Variants in EFNA5 observed in about 807,000 individuals in gnomAD.
The protein encoded by EFNA5 is ephrin A5.
A neutral mutation model predicts 22.9 loss-of-function variants in EFNA5; 5 were observed. The observed-to-expected ratio is 0.22, with a 90% CI of 0.11 to 0.46. The LOEUF is 0.46. EFNA5 is among the 20% of genes least tolerant of loss of function. The pLI is 0.99. For synonymous variants in EFNA5, 113 were observed against 112.2 expected (o/e 1.01, Z -0.04); for missense variants, 237 against 293.3 (o/e 0.81, Z 1.40).
At chr5:107,597,061 T>C (rs1327173034) in intron 1 of EFNA5, among the ~76,000 whole-genome samples, 1 of 152,202 alleles carries the variant, frequency 6.6e-6, no homozygotes, top group Admixed American at 6.5e-5. Context: ...AAAACACTCA[T>C]TTCTTTCAGG....
At chr5:107,616,589 CGT>C (rs983779442) in intron 1 of EFNA5, among the ~76,000 whole-genome samples, 2 of 151,720 alleles carry the variant, frequency 1.3e-5, no homozygotes, top group African/African-American at 4.8e-5. Flanking sequence ...CAGAGCTGCT[CGT>C]GTGTGTGTGT....
intron 1 of EFNA5, among the ~76,000 whole-genome samples, chr5:107,501,924 G>A (rs1291890503): frequency 6.6e-6 from 1 of 152,148 alleles, no homozygotes; most frequent in Non-Finnish European, 1.5e-5. Flanking sequence ...GATTTAAACT[G>A]TTTCTTGCCT....
intron 1 of EFNA5, among the ~76,000 whole-genome samples, chr5:107,578,008 A>T (rs962643474): frequency 3.3e-5 from 5 of 152,230 alleles, no homozygotes; most frequent in Admixed American, 2.6e-4. Flanking sequence ...ATTATAAAAG[A>T]TTTCTCTCGA....
chr5:107,452,968 T>G (rs1398234626), intron 1 of EFNA5, among the ~76,000 whole-genome samples: 1 of 152,180 alleles, frequency 6.6e-6, no homozygotes, highest in African/African-American at 2.4e-5. Context: ...ATTTCTTTCT[T>G]TCTTCTTTTT....
At chr5:107,596,927 T>C (rs986182126) in intron 1 of EFNA5, among the ~76,000 whole-genome samples, 5 of 152,118 alleles carry the variant, frequency 3.3e-5, no homozygotes, top group Non-Finnish European at 5.9e-5. Context: ...AAAAATTGAA[T>C]TAGGTGGATC....
intron 1 of EFNA5, among the ~76,000 whole-genome samples, chr5:107,488,755 G>A (rs929587167): frequency 5.3e-5 from 8 of 151,856 alleles, no homozygotes; most frequent in Non-Finnish European, 1.2e-4. Flanking sequence ...GCAATGGCAC[G>A]ATCTCAAATC....
intron 2 of EFNA5, among the ~76,000 whole-genome samples, chr5:107,419,338 AT>A (rs1297467320): frequency 6.6e-6 from 1 of 152,186 alleles, no homozygotes; most frequent in Admixed American, 6.5e-5. Context: ...CCCTAAACTC[AT>A]TCTTTAAATA....
At chr5:107,670,365 C>G (rs1366639668) in intron 1 of EFNA5, 124 bp downstream of exon 1, 3 of 1,282,266 alleles carry the variant, frequency 2.3e-6, no homozygotes, top group African/African-American at 3.2e-5. Flanking sequence ...CATCAGCGCC[C>G]GGGCGACGCA....
chr5:107,390,898 C>A (rs1409723293), intron 2 of EFNA5, among the ~76,000 whole-genome samples: 1 of 152,132 alleles, frequency 6.6e-6, no homozygotes, highest in Non-Finnish European at 1.5e-5. Flanking sequence ...GTGGCTCATG[C>A]CTGCAATCCC....
At chr5:107,496,697 G>T (rs539073160) in intron 1 of EFNA5, among the ~76,000 whole-genome samples, 1 of 152,176 alleles carries the variant, frequency 6.6e-6, no homozygotes, top group Admixed American at 6.5e-5. Context: ...AATAAAGTGC[G>T]CTTAAACAAT....
intron 2 of EFNA5, among the ~76,000 whole-genome samples, chr5:107,417,671 G>C (rs1045026321): frequency 2.0e-5 from 3 of 152,158 alleles, no homozygotes; most frequent in Non-Finnish European, 4.4e-5. Context: ...TTCCCAAAAG[G>C]GTAGGGAGCA....
chr5:107,600,041 C>T (rs1414789911), intron 1 of EFNA5, among the ~76,000 whole-genome samples: 6 of 152,106 alleles, frequency 3.9e-5, no homozygotes, highest in Non-Finnish European at 8.8e-5. Flanking sequence ...ACAACAAAAC[C>T]CAGAATGACA....
intron 1 of EFNA5, among the ~76,000 whole-genome samples, chr5:107,459,650 C>T (rs1749784847): frequency 1.3e-5 from 2 of 151,998 alleles, no homozygotes; most frequent in Admixed American, 1.3e-4. Flanking sequence ...AATTGAAGAC[C>T]CTGTGAGAGT....
intron 1 of EFNA5, among the ~76,000 whole-genome samples, chr5:107,510,150 C>A (rs568956264): frequency 7.2e-5 from 11 of 152,292 alleles, no homozygotes; most frequent in African/African-American, 2.6e-4. Flanking sequence ...CCAAAATCCA[C>A]GAAAACCAAG....
At chr5:107,605,519 C>T (rs150633884) in intron 1 of EFNA5, among the ~76,000 whole-genome samples, 48 of 152,224 alleles carry the variant, frequency 3.2e-4, no homozygotes, top group African/African-American at 1.1e-3. Flanking sequence ...GCTGACCTAC[C>T]AGTCTGCAAA....
At chr5:107,465,807 A>G (rs150957568) in intron 1 of EFNA5, among the ~76,000 whole-genome samples, 20 of 152,032 alleles carry the variant, frequency 1.3e-4, no homozygotes, top group African/African-American at 4.3e-4. Flanking sequence ...GCCCCTCACA[A>G]AGATACACAC....
At chr5:107,659,581 G>A (rs1296535283) in intron 1 of EFNA5, among the ~76,000 whole-genome samples, 4 of 141,458 alleles carry the variant, frequency 2.8e-5, no homozygotes, top group Non-Finnish European at 4.5e-5. Context: ...ATGGCTAAAA[G>A]CCATCAAAAG....
intron 1 of EFNA5, among the ~76,000 whole-genome samples, chr5:107,502,145 C>G (rs924083110): frequency 6.6e-6 from 1 of 152,238 alleles, no homozygotes; most frequent in African/African-American, 2.4e-5. Context: ...TCTCAGTTCA[C>G]CGATCTAATT....
chr5:107,510,477 C>A (rs1747347146), intron 1 of EFNA5, among the ~76,000 whole-genome samples: 1 of 152,172 alleles, frequency 6.6e-6, no homozygotes, highest in African/African-American at 2.4e-5. Flanking sequence ...CCTTTACTTT[C>A]CTTTCACTTT....
Sources: gnomAD v4.1 joint callset for allele counts (sites outside exome capture counted in the v4.1 genomes callset) on GRCh38, gnomAD v4.1.1 for gene constraint, MANE v1.5 for transcripts, NCBI Gene and HGNC (gene_info 2026-07-23, HGNC 2026-07-21) for gene names.